TGFBI: variants seen among roughly 807,000 people sequenced by gnomAD.
TGFBI encodes transforming growth factor-beta-induced protein ig-h3.
A neutral mutation model predicts 73.7 loss-of-function variants in TGFBI; 50 were observed. The ratio of observed to expected loss-of-function variants is 0.68; its 90% CI spans 0.54 to 0.86. The LOEUF is 0.86. Ranked by LOEUF, TGFBI falls within the 40% of genes least tolerant of loss-of-function variation. TGFBI has a pLI of 0.00. For missense variants in TGFBI, 839 were observed against 877.0 expected, an observed-to-expected ratio of 0.96 and a Z score of 0.55; for synonymous variants, 362 against 360.5, an observed-to-expected ratio of 1.00 and a Z score of -0.05.
intron 2 of TGFBI, among the ~76,000 whole-genome samples, chr5:136,034,077 A>G (rs1294715742): frequency 1.3e-5 from 2 of 151,956 alleles, no homozygotes; most frequent in African/African-American, 2.4e-5. Context: ...ACTTGGAGAC[A>G]TTTTTCAGGG....
chr5:136,038,450 T>A (rs1375079019), intron 2 of TGFBI, among the ~76,000 whole-genome samples: 1 of 151,356 alleles, frequency 6.6e-6, no homozygotes, highest in African/African-American at 2.4e-5. Flanking sequence ...TGCCTGGTGG[T>A]TCACGCCTTT....
intron 12 of TGFBI, among the ~76,000 whole-genome samples, chr5:136,057,822 G>A (rs1393533197): frequency 6.6e-6 from 1 of 152,174 alleles, no homozygotes; most frequent in Admixed American, 6.5e-5. Context: ...GAATGCCTGT[G>A]TCTGTGATGC....
Position 136,061,054 on chromosome 5 carries a change from A to C in TGFBI, c.1906+118A>C, listed in dbSNP as rs1751738356. On this transcript the variant is annotated intron_variant, in intron 14 of 16. Coordinates refer to ENST00000442011, the MANE Select transcript of TGFBI (RefSeq NM_000358.3). ...GAATAACATGTAATTGTGATAGTTA[A>C]ACTGTGCCTATGTGACTGATTGCAG... 4 of 761,440 alleles carry C rather than the reference A, an allele frequency of 5.3e-6. No homozygotes were observed. In the South Asian group the frequency reaches 9.7e-5, roughly 18 times the overall value. 47.2% of individuals were successfully genotyped at this position (761,440 alleles called of 1,614,324 possible).
chr5:136,030,541 A>G (rs1391785319), intron 1 of TGFBI, among the ~76,000 whole-genome samples: 1 of 152,174 alleles, frequency 6.6e-6, no homozygotes, highest in East Asian at 1.9e-4. Flanking sequence ...AAAGAGGAGA[A>G]TACTGGGGAT....
intron 12 of TGFBI, among the ~76,000 whole-genome samples, chr5:136,058,214 C>A (rs891650569): frequency 2.0e-5 from 3 of 152,184 alleles, no homozygotes; most frequent in Admixed American, 6.5e-5. Context: ...CATCCTCTGG[C>A]AGGCATGTGG....
At chr5:136,054,645 A>G (rs140717451) in intron 9 of TGFBI, 71 bp from the exon 10 acceptor site, 29 of 1,601,286 alleles carry the variant, frequency 1.8e-5, no homozygotes, top group Non-Finnish European at 2.5e-5. Flanking sequence ...TTTTCACTGT[A>G]TTTATCTCTC....
At chr5:136,048,963 ATGC>A in intron 6 of TGFBI, 1 of 156,230 alleles carries the variant, frequency 6.4e-6, no homozygotes, top group Non-Finnish European at 1.4e-5. Context: ...TGATCCTTCC[ATGC>A]ATGGGCTCAT....
chr5:136,029,281 C>T (rs907981144), intron 1 of TGFBI, 92 bp downstream of exon 1: 2 of 1,321,908 alleles, frequency 1.5e-6, no homozygotes, highest in East Asian at 3.0e-5. Context: ...GGGCTGGGGG[C>T]GCAGGGGACA....
rs139267193 is a variant in TGFBI, at chr5:136,041,264, G to A, written c.234-2794G>A. On this transcript the variant is annotated intron_variant, in intron 2 of 16. Coordinates refer to ENST00000442011, the MANE Select transcript of TGFBI (RefSeq NM_000358.3). ...AGCTTCCTGGCTGAAAGCCACACTCGGTTAACCAGGAAAAAGCCCTTGGCA... is the reference window on the plus strand; with the variant it reads ...AGCTTCCTGGCTGAAAGCCACACTCAGTTAACCAGGAAAAAGCCCTTGGCA... Among the ~76,000 whole-genome samples the A allele has an allele frequency of 3.2e-3, 494 of 152,326 alleles. 1 individual carries two copies. The highest frequency in any genetic ancestry group is 5.2e-3 in the Non-Finnish European group (352 of 68,034).
At chr5:136,042,501 C>G (rs532953690) in intron 2 of TGFBI, among the ~76,000 whole-genome samples, 3 of 152,252 alleles carry the variant, frequency 2.0e-5, no homozygotes, top group Non-Finnish European at 4.4e-5. Context: ...ACTTTAGTTG[C>G]AGAGGATGAC....
chr5:136,040,341 G>A (rs1751307590), intron 2 of TGFBI, among the ~76,000 whole-genome samples: 1 of 152,172 alleles, frequency 6.6e-6, no homozygotes, highest in Non-Finnish European at 1.5e-5. Context: ...TAGGAACCAG[G>A]CCACACAGCA....
At chr5:136,053,172 C>G in intron 8 of TGFBI, 53 bp downstream of exon 8, 3 of 1,552,728 alleles carry the variant, frequency 1.9e-6, no homozygotes, top group Non-Finnish European at 2.7e-6. Flanking sequence ...ATCTCTTCTG[C>G]CATCCTTTGT....
chr5:136,046,525 T>C (rs375468809), intron 4 of TGFBI, 30 bp downstream of exon 4: 2 of 1,572,872 alleles, frequency 1.3e-6, no homozygotes, highest in East Asian at 2.3e-5. Context: ...CCCGGGGGAC[T>C]CTTATGGGGA....
At chr5:136,046,617 A>G (rs1246109322) in intron 4 of TGFBI, 122 bp downstream of exon 4, 2 of 1,339,302 alleles carry the variant, frequency 1.5e-6, no homozygotes, top group Non-Finnish European at 1.0e-6. Context: ...CTTTCTCCTT[A>G]ACCCCTTAGA....
At chr5:136,059,322 C>A in intron 13 of TGFBI, 108 bp downstream of exon 13, 1 of 1,446,474 alleles carries the variant, frequency 6.9e-7, no homozygotes, top group Non-Finnish European at 9.3e-7. Flanking sequence ...CAAGTTGCAG[C>A]CCGAATCTCT....
Position 136,053,085 on chromosome 5 carries a change from C to T in TGFBI, c.1092C>T (p.Ile364=), listed in dbSNP as rs765684035. The T allele has an allele frequency of 6.2e-7, 1 of 1,614,060 alleles. No individual in the cohort carries two copies. Among genetic ancestry groups the T allele is most frequent in the South Asian group, 1.1e-5 (1 of 91,072 alleles). ...ACATCCTAGCCACCAACGGGGTGAT[C>T]CACTACATTGATGAGCTACTCATCC... ...NKDILATNGV[I]HYIDELLIPD... Residue 364 remains isoleucine, a synonymous_variant, in exon 8 of 17, where the codon ATC becomes ATT. Coordinates refer to ENST00000442011, the MANE Select transcript of TGFBI (RefSeq NM_000358.3).
At chr5:136,061,446 A>T in intron 14 of TGFBI, 54 bp from the exon 15 acceptor site, 1 of 1,340,382 alleles carries the variant, frequency 7.5e-7, no homozygotes, top group South Asian at 1.2e-5. Flanking sequence ...GTTGTTATGA[A>T]TGACATGCTA....
Position 136,046,953 on chromosome 5 carries a change from G to A in TGFBI, c.562G>A (p.Gly188Ser), listed in dbSNP as rs753369803. 1.3e-5 allele frequency: 21 copies of A among 1,613,550 alleles called. No individual in the cohort carries two copies. The highest frequency in any genetic ancestry group is 5.5e-5 in the South Asian group (5 of 91,028). ...RRVLTDELKHGMTLTSMYQNS... is the reference protein window; with the variant it reads ...RRVLTDELKHSMTLTSMYQNS... ...AGTCCTGACTGATGAGCTGAAACAC[G>A]GCATGACCCTCACCTCTATGTACCA... The change falls in exon 5 of 17, where the codon GGC (glycine) becomes AGC (serine). Residue 188 changes from glycine (G) to serine (S), a missense_variant. Physicochemically the swap from Gly to Ser is moderately conservative, Grantham distance 56. Transcript: ENST00000442011.
chr5:136,051,575 T>C (rs1231378785), intron 7 of TGFBI, among the ~76,000 whole-genome samples: 1 of 152,244 alleles, frequency 6.6e-6, no homozygotes, highest in Admixed American at 6.5e-5. Context: ...GACACTCTGT[T>C]TGGTGCCATC....
Sources: allele counts gnomAD v4.1 joint callset (sites outside exome capture counted in the v4.1 genomes callset), GRCh38; gene constraint gnomAD v4.1.1; transcripts MANE v1.5; gene names NCBI Gene and HGNC (gene_info 2026-07-23, HGNC 2026-07-21).